The following CORO1C variants were observed in gnomAD, a reference collection of about 807,000 sequenced individuals.
CORO1C encodes coronin-1C.
In CORO1C, 14 loss-of-function variants were observed where a neutral mutation model predicts 51.2. The observed-to-expected ratio is 0.27, with a 90% CI of 0.18 to 0.43. The LOEUF (loss-of-function observed/expected upper bound fraction) is 0.43. Among genes scored for constraint, CORO1C ranks in the 20% least tolerant of loss-of-function variants. The pLI is 1.00. For missense variants in CORO1C, 417 were observed against 607.8 expected (o/e 0.69, Z 3.30); for synonymous variants, 181 against 210.5 (o/e 0.86, Z 1.21).
chr12:108,658,020 G>C lies in CORO1C; in HGVS notation c.631-597C>G, dbSNP rs887762586. On this transcript the variant is annotated intron_variant, in intron 5 of 10. Transcript: ENST00000261401. This position sits in a 1 kb window ranked among gnomAD's most constrained non-coding sequence, Gnocchi z 4.9. ...ACCACATCTCAGGAAGGGCCTCAGA[G>C]TGTGGCAAATGAGGACTTCTCAGAC... Among the ~76,000 whole-genome samples the C allele has an allele frequency of 6.6e-6, 1 of 152,162 alleles. No individual in the cohort carries two copies. Among genetic ancestry groups the C allele is most frequent in the Admixed American group, 6.5e-5 (1 of 15,282 alleles).
At chr12:108,677,326 T>C (rs1246594669) in intron 3 of CORO1C, among the ~76,000 whole-genome samples, 2 of 152,196 alleles carry the variant, frequency 1.3e-5, no homozygotes, top group South Asian at 2.1e-4. Context: ...CAAGAAATCA[T>C]ATTAAAAAGT....
At chr12:108,683,604 A>C (rs896012718) in intron 2 of CORO1C, among the ~76,000 whole-genome samples, 1 of 152,192 alleles carries the variant, frequency 6.6e-6, no homozygotes, top group Non-Finnish European at 1.5e-5. Flanking sequence ...AACATTTGAC[A>C]ATATATATAA....
intron 1 of CORO1C, among the ~76,000 whole-genome samples, chr12:108,715,629 T>TCCCC (rs1555222835): frequency 3.2e-5 from 2 of 61,792 alleles, no homozygotes; most frequent in African/African-American, 6.9e-5. Flanking sequence ...CTGACCCGCC[T>TCCCC]CCTCCCTCCC....
At chr12:108,697,832 C>T (rs1354066011) in intron 2 of CORO1C, among the ~76,000 whole-genome samples, 4 of 152,194 alleles carry the variant, frequency 2.6e-5, no homozygotes, top group African/African-American at 4.8e-5. Context: ...ACCAACTAAT[C>T]GTATATGAAG....
chr12:108,657,350 G>T lies in CORO1C; in HGVS notation c.704C>A (p.Thr235Asn), dbSNP rs747515987. The T allele has an allele frequency of 6.2e-7, 1 of 1,614,170 alleles. No homozygotes were observed. The highest frequency in any genetic ancestry group is 1.1e-5 in the South Asian group (1 of 91,082). ...IFLADGNVFT[T>N]GFSRMSERQL... ...CCGCTCGCTCATGCGGCTGAACCCA[G>T]TGGTGAAGACATTGCCATCGGCCAG... The change falls in exon 6 of 11, where the codon ACT (threonine) becomes AAT (asparagine). Residue 235 changes from threonine to asparagine, a missense_variant. Physicochemically the swap from Thr to Asn is moderately conservative, Grantham distance 65. Coordinates refer to ENST00000261401, the MANE Select transcript of CORO1C (RefSeq NM_014325.4).
At chr12:108,693,710 C>T (rs534418291) in intron 2 of CORO1C, among the ~76,000 whole-genome samples, 10 of 152,224 alleles carry the variant, frequency 6.6e-5, no homozygotes, top group Non-Finnish European at 1.0e-4. Context: ...AACTAGACAT[C>T]CTGGAGTCTG....
rs548366033 is a variant in CORO1C, at chr12:108,651,495, C to T, written c.1001+777G>A. Among the ~76,000 whole-genome samples, 18 of 152,202 alleles carry T rather than the reference C, an allele frequency of 1.2e-4. No homozygotes were observed. The East Asian group carries it at 3.1e-3, about 26-fold the overall frequency. ...AACTTCCTAAATCAAGCTAACCTAC[C>T]GCCCCATTATAGGACCTTTGGTTTC... On this transcript the variant is annotated intron_variant, in intron 8 of 10. Coordinates refer to ENST00000261401, the MANE Select transcript of CORO1C (RefSeq NM_014325.4).
intron 1 of CORO1C, among the ~76,000 whole-genome samples, chr12:108,729,403 A>C (rs545025300): frequency 6.6e-6 from 1 of 152,358 alleles, no homozygotes; most frequent in Non-Finnish European, 1.5e-5. Flanking sequence ...GTATCTATTA[A>C]AATTCATCAG....
chr12:108,712,979 T>C (rs1361237475), intron 1 of CORO1C, among the ~76,000 whole-genome samples: 1 of 151,422 alleles, frequency 6.6e-6, no homozygotes. Context: ...TCAAATTTTC[T>C]AAATTAAATC....
At chr12:108,699,751 T>C (rs1350776505) in intron 2 of CORO1C, among the ~76,000 whole-genome samples, 1 of 152,238 alleles carries the variant, frequency 6.6e-6, no homozygotes, top group Non-Finnish European at 1.5e-5. Context: ...ACGACAATTT[T>C]TTGAACAGAA....
intron 4 of CORO1C, among the ~76,000 whole-genome samples, 186 bp from the exon 5 acceptor site, chr12:108,659,105 TAA>T (rs2033150265): frequency 6.6e-6 from 1 of 152,190 alleles, no homozygotes; most frequent in Non-Finnish European, 1.5e-5. Context: ...CTAACAGCGT[TAA>T]AAACTGAAGT....
In CORO1C at chr12:108,719,207, AAGT is replaced by A. The variant is rs543309721; in HGVS notation, c.-6+12219_-6+12221del. Among the ~76,000 whole-genome samples the A allele has an allele frequency of 4.4e-4, 67 of 152,326 alleles. No individual in the cohort carries two copies. The South Asian group carries it at 9.3e-3, about 21-fold the overall frequency. On this transcript the variant is annotated intron_variant, in intron 1 of 10. Coordinates refer to ENST00000261401, the MANE Select transcript of CORO1C (RefSeq NM_014325.4). ...AAGAGAAATTATCTATTCCTTATGA[AAGT>A]AGGACAAATAATTTTAAGTAGAAGG...
intron 1 of CORO1C, among the ~76,000 whole-genome samples, chr12:108,703,678 C>G: frequency 6.6e-6 from 1 of 152,186 alleles, no homozygotes; most frequent in Admixed American, 6.5e-5. Flanking sequence ...GACTGAAAGC[C>G]TGAATTAGGA....
chr12:108,650,652 C>A (rs1175570589), intron 8 of CORO1C, among the ~76,000 whole-genome samples: 2 of 152,152 alleles, frequency 1.3e-5, no homozygotes, highest in African/African-American at 2.4e-5. Flanking sequence ...ACACCTACCA[C>A]ATATGATTGT....
chr12:108,653,725 T>G (rs1208686465), intron 7 of CORO1C, among the ~76,000 whole-genome samples: 3 of 152,138 alleles, frequency 2.0e-5, no homozygotes, highest in African/African-American at 7.2e-5. Context: ...CCCCTGAGCT[T>G]TAGTCAGGCC....
chr12:108,719,691 A>G (rs2035428551), intron 1 of CORO1C, among the ~76,000 whole-genome samples: 1 of 152,194 alleles, frequency 6.6e-6, no homozygotes, highest in Admixed American at 6.5e-5. Context: ...CAGGGAGAAC[A>G]TAAGGCTATT....
intron 1 of CORO1C, among the ~76,000 whole-genome samples, chr12:108,717,056 G>C (rs553623253): frequency 6.6e-5 from 10 of 152,356 alleles, no homozygotes; most frequent in African/African-American, 2.2e-4. Flanking sequence ...GCTGTGGCAA[G>C]TGCTGGAATG....
At chr12:108,725,932 T>C (rs2136891556) in intron 1 of CORO1C, among the ~76,000 whole-genome samples, 1 of 151,974 alleles carries the variant, frequency 6.6e-6, no homozygotes, top group South Asian at 2.1e-4. Context: ...GCCTCCCAGG[T>C]TTCAAGCAAT....
chr12:108,727,067 T>G (rs1309916439), intron 1 of CORO1C, among the ~76,000 whole-genome samples: 9 of 152,226 alleles, frequency 5.9e-5, no homozygotes, highest in Admixed American at 5.2e-4. Context: ...TCCAGTTAAC[T>G]TCAATAAACA....
Sources: allele counts gnomAD v4.1 joint callset (sites outside exome capture counted in the v4.1 genomes callset), GRCh38; gene constraint gnomAD v4.1.1; non-coding constraint Gnocchi (gnomAD v3.1); transcripts MANE v1.5; gene names NCBI Gene and HGNC (gene_info 2026-07-23, HGNC 2026-07-21).